The following CYFIP2 variants were observed in gnomAD, a reference collection of about 807,000 sequenced individuals.
The protein encoded by CYFIP2 is cytoplasmic FMR1 interacting protein 2, also known as cytoplasmic FMR1-interacting protein 2.
A neutral mutation model predicts 158.7 loss-of-function variants in CYFIP2; 29 were observed. The ratio of observed to expected loss-of-function variants is 0.18; its 90% confidence interval spans 0.14 to 0.25. The LOEUF is 0.25. Among genes scored for constraint, CYFIP2 ranks in the 10% least tolerant of loss-of-function variants. The pLI is 1.00. For missense variants in CYFIP2, 852 were observed against 1,639.5 expected (o/e 0.52, Z 8.29); for synonymous variants, 585 against 617.6 (o/e 0.95, Z 0.78).
At chr5:157,296,648 T>C (rs778638785) in intron 4 of CYFIP2, 25 bp from the exon 5 acceptor site, 11 of 1,600,894 alleles carry the variant, frequency 6.9e-6, no homozygotes, top group Non-Finnish European at 8.6e-6. Flanking sequence ...AACCAGGATG[T>C]GTGTGTCCCC....
chr5:157,303,001 C>G (rs1348100781), intron 7 of CYFIP2, 111 bp downstream of exon 7: 14 of 771,476 alleles, frequency 1.8e-5, no homozygotes, highest in Non-Finnish European at 2.5e-5. Flanking sequence ...CTGCAGCTTC[C>G]ATCTCCACTG....
chr5:157,361,337 G>A lies in CYFIP2; in HGVS notation c.2909-131G>A, dbSNP rs951603118. 5.9e-5 allele frequency: 67 copies of A among 1,131,930 alleles called. No individual in the cohort carries two copies. Among genetic ancestry groups the A allele is most frequent in the Non-Finnish European group, 8.5e-5 (67 of 787,368 alleles). The allele number at this position is 1,131,930 out of a possible 1,614,324, so 70.1% of individuals were successfully genotyped here. A position where few individuals can be genotyped will look rare whatever the true frequency, so the allele number is the denominator to read the frequency against. On this transcript the variant is annotated intron_variant, in intron 25 of 30. Coordinates refer to ENST00000620254, the MANE Select transcript of CYFIP2 (RefSeq NM_001037333.3). This position sits in a 1 kb window ranked among gnomAD's most constrained non-coding sequence, Gnocchi z 4.4. ...AAGAAATCTCACTCTGGGCCTGCAG[G>A]TAAGAGGGATGCGTGGTTTGGCTTT...
intron 26 of CYFIP2, among the ~76,000 whole-genome samples, chr5:157,372,948 G>A (rs1192541310): frequency 6.6e-6 from 1 of 152,136 alleles, no homozygotes; most frequent in Non-Finnish European, 1.5e-5. Context: ...CCTATGCTCT[G>A]TTTAAGAGAA....
At chr5:157,380,895 G>A (rs1432284901) in intron 26 of CYFIP2, among the ~76,000 whole-genome samples, 1 of 152,090 alleles carries the variant, frequency 6.6e-6, no homozygotes, top group Non-Finnish European at 1.5e-5. Context: ...TTACTAGAAA[G>A]GAAAGAAACA....
chr5:157,342,838 A>C (rs771510769), intron 23 of CYFIP2: 1 of 1,590,192 alleles, frequency 6.3e-7, no homozygotes, highest in South Asian at 1.1e-5. Context: ...AGGCTACATG[A>C]TGCGGGCGCT....
At chr5:157,289,008 T>C (rs1757615433) in intron 3 of CYFIP2, among the ~76,000 whole-genome samples, 1 of 152,200 alleles carries the variant, frequency 6.6e-6, no homozygotes, top group Non-Finnish European at 1.5e-5. Flanking sequence ...TCATATATTA[T>C]ATTATTGGAG....
chr5:157,377,872 A>T lies in CYFIP2; in HGVS notation c.3040-4718A>T, dbSNP rs1765642220. On this transcript the variant is annotated intron_variant, in intron 26 of 30. Transcript: ENST00000620254. Reference sequence around the variant, plus strand: ...AAGATTCTCAATCAATGTTTACATGAGATGTGGGTCACTGCCCTGGTCCTC... The same window carrying T: ...AAGATTCTCAATCAATGTTTACATGTGATGTGGGTCACTGCCCTGGTCCTC... 7.2e-5 allele frequency among the ~76,000 whole-genome samples: 11 copies of T among 152,338 alleles called. 1 individual carries two copies. The highest frequency in any genetic ancestry group is 6.5e-4 in the Admixed American group (10 of 15,298).
At chr5:157,342,444 C>A (rs1054079893) in intron 23 of CYFIP2, 1 of 160,274 alleles carries the variant, frequency 6.2e-6, no homozygotes, top group Non-Finnish European at 1.4e-5. Context: ...AAATAATCCC[C>A]TCAAGGGCAG....
intron 28 of CYFIP2, among the ~76,000 whole-genome samples, chr5:157,386,947 AG>A (rs1385092164): frequency 5.6e-5 from 8 of 143,342 alleles, no homozygotes; most frequent in Admixed American, 7.0e-5. Context: ...AAAAAAAAAA[AG>A]GATGGTGTCT....
chr5:157,280,059 GAT>G (rs1323311671), intron 1 of CYFIP2, among the ~76,000 whole-genome samples: 3 of 152,200 alleles, frequency 2.0e-5, no homozygotes, highest in Admixed American at 1.3e-4. Context: ...GGAGAAGAAA[GAT>G]AGCATTAACA....
chr5:157,280,343 C>G (rs1756890949), intron 1 of CYFIP2, among the ~76,000 whole-genome samples: 1 of 151,502 alleles, frequency 6.6e-6, no homozygotes, highest in Admixed American at 6.6e-5. Context: ...ATTACAGGCA[C>G]CCACCACCAC....
At position 157,311,641 on chromosome 5, in the gene CYFIP2, C is replaced by T. The variant is rs377619488; in HGVS notation, c.993-23C>T. The T allele has an allele frequency of 2.9e-5, 46 of 1,579,914 alleles. No homozygotes were observed. Among genetic ancestry groups the T allele is most frequent in the East Asian group, 4.7e-5 (2 of 42,982 alleles). On this transcript the variant is annotated intron_variant, in intron 10 of 30. Coordinates refer to ENST00000620254, the MANE Select transcript of CYFIP2 (RefSeq NM_001037333.3). This position sits in a 1 kb window ranked among gnomAD's most constrained non-coding sequence, Gnocchi z 4.7. ...AGGCGCCTGAGGCTGGGACCCTCTC[C>T]GACCCCATAATTTTCTACCCAGGTG... is the stretch of plus-strand genomic sequence containing the variant.
chr5:157,384,643 A>C (rs1469797271), intron 28 of CYFIP2: 1 of 399,698 alleles, frequency 2.5e-6, no homozygotes, highest in African/African-American at 2.1e-5. Flanking sequence ...AATGGTGATT[A>C]AAAGCTAATC....
chr5:157,327,195 CTT>C (rs1233188312), intron 18 of CYFIP2, among the ~76,000 whole-genome samples: 1 of 152,160 alleles, frequency 6.6e-6, no homozygotes, highest in African/African-American at 2.4e-5. Context: ...AATGGCAAGA[CTT>C]TATTCATTAA....
intron 23 of CYFIP2, among the ~76,000 whole-genome samples, chr5:157,357,568 C>CCTAT (rs1435785196): frequency 6.6e-6 from 1 of 152,108 alleles, no homozygotes; most frequent in African/African-American, 2.4e-5. Flanking sequence ...GTGGCTCATG[C>CCTAT]CTATAATCCT....
At chr5:157,304,390 C>G in intron 8 of CYFIP2, 24 bp downstream of exon 8, 1 of 1,606,112 alleles carries the variant, frequency 6.2e-7, no homozygotes, top group South Asian at 1.1e-5. Context: ...GAGGCCGCAC[C>G]CATGGAGCCT....
chr5:157,294,430 A>G (rs1561698711), intron 3 of CYFIP2, among the ~76,000 whole-genome samples: 1 of 152,166 alleles, frequency 6.6e-6, no homozygotes, highest in East Asian at 1.9e-4. Flanking sequence ...TCTGCTGTAC[A>G]TACTGTTTTG....
At chr5:157,343,194 C>T (rs771358381) in intron 23 of CYFIP2, 3 of 1,614,186 alleles carry the variant, frequency 1.9e-6, no homozygotes, top group Non-Finnish European at 1.7e-6. Context: ...GCCATCAGCA[C>T]CCAAAGGGAG....
chr5:157,281,860 TG>T (rs1188865729), intron 1 of CYFIP2, among the ~76,000 whole-genome samples: 1 of 152,226 alleles, frequency 6.6e-6, no homozygotes, highest in Non-Finnish European at 1.5e-5. Flanking sequence ...TAAAAGCATA[TG>T]GCTTGCCTTT....
Sources: gnomAD v4.1 joint callset for allele counts (sites outside exome capture counted in the v4.1 genomes callset) on GRCh38, gnomAD v4.1.1 for gene constraint, Gnocchi (gnomAD v3.1) non-coding constraint, MANE v1.5 for transcripts, NCBI Gene and HGNC (gene_info 2026-07-23, HGNC 2026-07-21) for gene names.